The following SRRM1 variants were observed in gnomAD, a reference collection of about 807,000 sequenced individuals.
SRRM1 encodes the protein serine and arginine repetitive matrix 1.
Under a neutral mutation model 110.2 loss-of-function variants are expected in SRRM1, and 19 were observed. The observed-to-expected ratio is 0.17, with a 90% CI of 0.12 to 0.25. SRRM1 has a LOEUF of 0.25. Among genes scored for constraint, SRRM1 ranks in the 10% least tolerant of loss-of-function variants. The pLI is 1.00. For synonymous variants in SRRM1, 443 were observed against 414.9 expected, an observed-to-expected ratio of 1.07 and a Z score of -0.82; for missense variants, 918 against 1,145.8, an observed-to-expected ratio of 0.80 and a Z score of 2.87.
intron 2 of SRRM1, 71 bp downstream of exon 2, chr1:24,646,144 T>G: frequency 8.6e-7 from 1 of 1,158,226 alleles, no homozygotes; most frequent in Non-Finnish European, 1.3e-6. Context: ...GGGGTTGTTT[T>G]GGAGATGCAT....
At chr1:24,665,167 C>G (rs1423956908) in intron 12 of SRRM1, among the ~76,000 whole-genome samples, 1 of 152,072 alleles carries the variant, frequency 6.6e-6, no homozygotes, top group Non-Finnish European at 1.5e-5. Flanking sequence ...TGGCTCATGC[C>G]TGTAATCTCA....
chr1:24,644,370 T>C (rs1284039343), intron 1 of SRRM1, among the ~76,000 whole-genome samples: 2 of 152,218 alleles, frequency 1.3e-5, no homozygotes, highest in African/African-American at 4.8e-5. Flanking sequence ...AATGAAGTCG[T>C]ATAGAAACTA....
intron 15 of SRRM1, among the ~76,000 whole-genome samples, chr1:24,670,706 C>T (rs1277505707): frequency 6.6e-6 from 1 of 152,160 alleles, no homozygotes; most frequent in Non-Finnish European, 1.5e-5. Flanking sequence ...CTGTGTTGAC[C>T]AGGCTGATCT....
chr1:24,659,767 A>G (rs900182455), intron 9 of SRRM1, among the ~76,000 whole-genome samples: 2 of 152,200 alleles, frequency 1.3e-5, no homozygotes, highest in African/African-American at 4.8e-5. Flanking sequence ...TAGTGTGTCT[A>G]ATACAGCAGG....
rs767402104 is a variant in SRRM1, at chr1:24,660,729, T to C, written c.1326T>C (p.His442=). ...PGRTSGKVTK[H]KGTEKRESPS... ...CTTATTCTTTTTTAGTGACAAAACA[T>C]AAAGGTACTGAGAAAAGAGAATCCC... The change falls in exon 10 of 17, where the codon CAT becomes CAC. Residue 442 remains histidine (H), a synonymous_variant. Coordinates refer to ENST00000323848, the MANE Select transcript of SRRM1 (RefSeq NM_005839.4). The C allele has an allele frequency of 3.7e-5, 58 of 1,572,508 alleles. No individual in the cohort carries two copies. The highest frequency in any genetic ancestry group is 4.9e-5 in the Non-Finnish European group (57 of 1,161,700).
rs187108378 is a variant in SRRM1, at chr1:24,650,207, A to G, written c.521+121A>G. Reference sequence around the variant, plus strand: ...GAATTTGTTCCATCATGCAGTTTTCATGGTGACCTGTGCCTTGCCTCTGGA... The same window carrying G: ...GAATTTGTTCCATCATGCAGTTTTCGTGGTGACCTGTGCCTTGCCTCTGGA... On this transcript the variant is annotated intron_variant, in intron 5 of 16. Transcript: ENST00000323848. The G allele has an allele frequency of 2.6e-5, 25 of 957,824 alleles. No individual in the cohort carries two copies. In the East Asian group the frequency reaches 5.0e-4, roughly 19 times the overall value. 59.3% of individuals were successfully genotyped at this position (957,824 alleles called of 1,614,324 possible).
chr1:24,657,307 A>G (rs1390531855), intron 9 of SRRM1, among the ~76,000 whole-genome samples: 6 of 152,244 alleles, frequency 3.9e-5, no homozygotes, highest in African/African-American at 7.2e-5. Flanking sequence ...TTTTCAGGTT[A>G]GTTGACTTGG....
rs895899656 is a variant in SRRM1 at position 24,673,200 on chromosome 1, T to G, written c.*914T>G. 7 of 151,622 alleles carry G rather than the reference T, an allele frequency of 4.6e-5. No individual in the cohort carries two copies. The highest frequency in any genetic ancestry group is 1.5e-5 in the Non-Finnish European group (1 of 67,822). 9.4% of individuals were successfully genotyped at this position (151,622 alleles called of 1,614,324 possible). ...TTTTGTTTTGATTTTTTTTTTGTTT[T>G]GATTTTTTTTAAACTAAAGCTATAT... is the stretch of plus-strand genomic sequence containing the variant. On this transcript the variant is annotated 3_prime_UTR_variant, in exon 17 of 17. Coordinates refer to ENST00000323848, the MANE Select transcript of SRRM1 (RefSeq NM_005839.4).
chr1:24,648,762 T>TA, intron 3 of SRRM1, 97 bp from the exon 4 acceptor site: 2 of 1,144,048 alleles, frequency 1.7e-6, no homozygotes, highest in East Asian at 4.8e-5. Context: ...ATGGTAGACT[T>TA]AAAAAATACT....
intron 12 of SRRM1, 111 bp downstream of exon 12, chr1:24,662,915 T>C: frequency 7.0e-7 from 1 of 1,425,710 alleles, no homozygotes; most frequent in Non-Finnish European, 9.6e-7. Flanking sequence ...TTGGATGTGG[T>C]TGGATTTTTG....
intron 14 of SRRM1, 40 bp downstream of exon 14, chr1:24,669,627 T>C: frequency 7.0e-7 from 1 of 1,421,998 alleles, no homozygotes; most frequent in East Asian, 2.5e-5. Flanking sequence ...AATACTTACA[T>C]AGCTGTTTAT....
chr1:24,643,541 T>C, intron 1 of SRRM1, 194 bp downstream of exon 1: 1 of 402,872 alleles, frequency 2.5e-6, no homozygotes, highest in Non-Finnish European at 4.1e-6. Context: ...AGTCTCCTCC[T>C]CCGGAATGGT....
At chr1:24,657,775 G>A (rs990576811) in intron 9 of SRRM1, among the ~76,000 whole-genome samples, 2 of 152,192 alleles carry the variant, frequency 1.3e-5, no homozygotes, top group African/African-American at 4.8e-5. Context: ...TGAAATCAGT[G>A]GCACAGTCAG....
chr1:24,643,571 C>T (rs1201518686), intron 1 of SRRM1: 6 of 412,652 alleles, frequency 1.5e-5, no homozygotes, highest in Admixed American at 4.5e-5. Flanking sequence ...GCGGCGGCGA[C>T]GGTGGCCGGA....
chr1:24,664,760 C>G (rs1669039484), intron 12 of SRRM1, among the ~76,000 whole-genome samples: 1 of 152,176 alleles, frequency 6.6e-6, no homozygotes, highest in Non-Finnish European at 1.5e-5. Flanking sequence ...GCTGCTAAAG[C>G]ATTCCTTTCC....
chr1:24,669,747 T>C (rs1671788236), intron 14 of SRRM1, 160 bp downstream of exon 14: 1 of 669,896 alleles, frequency 1.5e-6, no homozygotes, highest in Admixed American at 3.0e-5. Context: ...TTTGGGATAG[T>C]TTCTGTGGTA....
intron 12 of SRRM1, among the ~76,000 whole-genome samples, chr1:24,666,181 T>C (rs1448476289): frequency 1.3e-5 from 2 of 152,222 alleles, no homozygotes; most frequent in Non-Finnish European, 2.9e-5. Flanking sequence ...AGTGCTCTTA[T>C]GTGCTGTTGC....
At chr1:24,650,594 A>G (rs1309348594) in intron 5 of SRRM1, 1 of 152,220 alleles carries the variant, frequency 6.6e-6, no homozygotes, top group Non-Finnish European at 1.5e-5. Context: ...ACATTTTTAA[A>G]TCCACGGCTC....
chr1:24,672,056 T>A, intron 16 of SRRM1, 126 bp from the exon 17 acceptor site: 3 of 663,592 alleles, frequency 4.5e-6, no homozygotes, highest in East Asian at 3.0e-5. Context: ...TATCCCTCCC[T>A]GCTCCCCCTA....
Sources: gnomAD v4.1 joint callset for allele counts (sites outside exome capture counted in the v4.1 genomes callset) on GRCh38, gnomAD v4.1.1 for gene constraint, MANE v1.5 for transcripts, NCBI Gene and HGNC (gene_info 2026-07-23, HGNC 2026-07-21) for gene names.